Variants in MAGI1 observed in about 807,000 individuals in gnomAD.
MAGI1 encodes the protein membrane associated guanylate kinase, WW and PDZ domain containing 1, also known as membrane-associated guanylate kinase, WW and PDZ domain-containing protein 1.
In MAGI1, 58 loss-of-function variants were observed where a neutral mutation model predicts 139.9. That is an observed-to-expected ratio of 0.41 (90% CI 0.34 to 0.52). The LOEUF is 0.52. MAGI1 is among the 20% of genes least tolerant of loss of function. The pLI, the probability that MAGI1 is intolerant of heterozygous loss-of-function variation, is 0.12. For synonymous variants in MAGI1, 812 were observed against 737.9 expected, an observed-to-expected ratio of 1.10 and a Z score of -1.63; for missense variants, 1,874 against 1,901.6, an observed-to-expected ratio of 0.99 and a Z score of 0.27.
At chr3:65,962,560 C>T (rs1381973253) in intron 1 of MAGI1, among the ~76,000 whole-genome samples, 2 of 152,004 alleles carry the variant, frequency 1.3e-5, no homozygotes, top group East Asian at 3.9e-4. Flanking sequence ...ACTGGCCAGG[C>T]GAGGTGGTTC....
intron 1 of MAGI1, among the ~76,000 whole-genome samples, chr3:66,001,580 AG>A (rs2066743486): frequency 7.5e-6 from 1 of 133,670 alleles, no homozygotes; most frequent in African/African-American, 2.6e-5. Context: ...TGTTTTATAC[AG>A]GGGGAAACTG....
intron 2 of MAGI1, among the ~76,000 whole-genome samples, chr3:65,508,775 G>A (rs143262442): frequency 5.9e-5 from 9 of 152,266 alleles, no homozygotes; most frequent in African/African-American, 1.9e-4. Flanking sequence ...AAAAAACTGG[G>A]GAGTTTTGTT....
intron 7 of MAGI1, among the ~76,000 whole-genome samples, chr3:65,446,124 G>A (rs1948659721): frequency 6.6e-6 from 1 of 152,158 alleles, no homozygotes; most frequent in African/African-American, 2.4e-5. Context: ...CCCTTGTGCT[G>A]TGTTAATGGA....
At chr3:65,958,093 C>T (rs2064227263) in intron 1 of MAGI1, among the ~76,000 whole-genome samples, 1 of 152,152 alleles carries the variant, frequency 6.6e-6, no homozygotes, top group Admixed American at 6.5e-5. Flanking sequence ...CCCATATGGA[C>T]TGACTTTGTG....
At chr3:65,644,081 A>G (rs549171204) in intron 1 of MAGI1, among the ~76,000 whole-genome samples, 48 of 152,084 alleles carry the variant, frequency 3.2e-4, no homozygotes, top group Non-Finnish European at 3.7e-4. Flanking sequence ...TGTCAAAGGA[A>G]GAAGAGGAGT....
intron 1 of MAGI1, chr3:65,874,061 A>G (rs906343416): frequency 6.6e-6 from 1 of 152,262 alleles, no homozygotes; most frequent in Non-Finnish European, 1.5e-5. Context: ...CAAGGCAGAC[A>G]GATAGCTTGA....
intron 1 of MAGI1, among the ~76,000 whole-genome samples, chr3:65,736,749 C>A (rs1025771468): frequency 2.6e-5 from 4 of 152,340 alleles, no homozygotes; most frequent in Non-Finnish European, 5.9e-5. Context: ...TGCCCATCCA[C>A]ATTGGTGATG....
chr3:65,955,352 A>T (rs2064069537), intron 1 of MAGI1, among the ~76,000 whole-genome samples: 1 of 152,146 alleles, frequency 6.6e-6, no homozygotes, highest in South Asian at 2.1e-4. Context: ...AAATAAATAA[A>T]CGTAATTAAT....
chr3:65,566,600 A>C (rs1201879625), intron 2 of MAGI1, among the ~76,000 whole-genome samples: 1 of 152,038 alleles, frequency 6.6e-6, no homozygotes, highest in Non-Finnish European at 1.5e-5. Flanking sequence ...CAGTTTTCCC[A>C]AGTCCGTGTT....
chr3:65,434,913 G>A (rs1947725856), intron 10 of MAGI1, among the ~76,000 whole-genome samples: 1 of 152,178 alleles, frequency 6.6e-6, no homozygotes, highest in Non-Finnish European at 1.5e-5. Flanking sequence ...ATTTGGAAGT[G>A]GGGCCTTTGG....
rs1173086138 is a variant in MAGI1 at position 65,638,597 on chromosome 3, A to ATTTTTTT, written c.314-16516_314-16510dup. Among the ~76,000 whole-genome samples the ATTTTTTT allele has an allele frequency of 4.9e-3, 200 of 41,010 alleles. 36 individuals carry two copies. The highest frequency in any genetic ancestry group is 5.9e-3 in the African/African-American group (69 of 11,754). 26.9% of individuals were successfully genotyped at this position (41,010 alleles called of 152,430 possible). On this transcript the variant is annotated intron_variant, in intron 1 of 22. Transcript: ENST00000402939. ...AGGAGTGCGCCACCATGCTCTCCTG[A>ATTTTTTT]TTTTTTTTTTTTTTTTTTTTTTTTT...
chr3:65,695,863 T>C (rs1353595243), intron 1 of MAGI1, among the ~76,000 whole-genome samples: 1 of 152,138 alleles, frequency 6.6e-6, no homozygotes, highest in Non-Finnish European at 1.5e-5. Context: ...CTGCCATGAG[T>C]GTAGCCACCA....
intron 5 of MAGI1, among the ~76,000 whole-genome samples, chr3:65,457,516 T>C (rs914672875): frequency 6.6e-6 from 1 of 152,230 alleles, no homozygotes; most frequent in African/African-American, 2.4e-5. Context: ...ATTTTATAGT[T>C]TACAGTATAT....
intron 1 of MAGI1, among the ~76,000 whole-genome samples, chr3:65,771,115 T>C (rs1438795212): frequency 6.6e-6 from 1 of 151,718 alleles, no homozygotes. Context: ...GAGACCAGCC[T>C]GGCCAACATA....
intron 12 of MAGI1, among the ~76,000 whole-genome samples, chr3:65,415,017 A>C (rs1331572948): frequency 2.2e-4 from 15 of 67,838 alleles, no homozygotes; most frequent in African/African-American, 5.0e-4. Flanking sequence ...AAAAAAAAAA[A>C]AACAAAAAAA....
chr3:65,442,911 C>T, intron 7 of MAGI1, 62 bp from the exon 8 acceptor site: 3 of 1,296,352 alleles, frequency 2.3e-6, no homozygotes, highest in Middle Eastern at 1.8e-4. Context: ...TGGGTGTTTT[C>T]AACAACTGAG....
chr3:65,515,405 A>G (rs2077819012), intron 2 of MAGI1, among the ~76,000 whole-genome samples: 1 of 147,600 alleles, frequency 6.8e-6, no homozygotes, highest in African/African-American at 2.7e-5. Context: ...TAAGCAAAAC[A>G]GAAAATGAAA....
At chr3:65,974,203 T>G (rs1205090878) in intron 1 of MAGI1, among the ~76,000 whole-genome samples, 1 of 151,996 alleles carries the variant, frequency 6.6e-6, no homozygotes, top group Admixed American at 6.6e-5. Context: ...GCATGGATTG[T>G]GGCAATCATC....
intron 1 of MAGI1, among the ~76,000 whole-genome samples, chr3:65,993,952 G>C (rs1188301116): frequency 6.6e-6 from 1 of 152,068 alleles, no homozygotes; most frequent in Non-Finnish European, 1.5e-5. Flanking sequence ...AAATAAGAGA[G>C]GACAACCCAC....
Sources: allele counts gnomAD v4.1 joint callset (sites outside exome capture counted in the v4.1 genomes callset), GRCh38; gene constraint gnomAD v4.1.1; transcripts MANE v1.5; gene names NCBI Gene and HGNC (gene_info 2026-07-23, HGNC 2026-07-21).